The following FUT8 variants were observed in gnomAD, a reference collection of about 807,000 sequenced individuals.
The protein encoded by FUT8 is alpha-(1,6)-fucosyltransferase.
In FUT8, 29 loss-of-function variants were observed where a neutral mutation model predicts 71.3. The observed-to-expected ratio is 0.41, with a 90% CI of 0.30 to 0.55. FUT8 has a LOEUF of 0.55. FUT8 is among the 20% of genes least tolerant of loss of function. FUT8 has a pLI of 0.34. For missense variants in FUT8, 544 were observed against 702.1 expected, an observed-to-expected ratio of 0.77 and a Z score of 2.55; for synonymous variants, 254 against 239.3, an observed-to-expected ratio of 1.06 and a Z score of -0.57.
intron 9 of FUT8, among the ~76,000 whole-genome samples, chr14:65,726,990 A>G (rs564284169): frequency 2.0e-5 from 3 of 152,312 alleles, no homozygotes; most frequent in African/African-American, 7.2e-5. Context: ...AAAGCTTCAA[A>G]ATGATCTCCT....
At chr14:65,735,037 T>G (rs1378469978) in intron 10 of FUT8, among the ~76,000 whole-genome samples, 1 of 152,118 alleles carries the variant, frequency 6.6e-6, no homozygotes, top group African/African-American at 2.4e-5. Flanking sequence ...AGAACTACAG[T>G]TCTAGTCACA....
chr14:65,615,868 A>G lies in FUT8; in HGVS notation c.204-110A>G, dbSNP rs1889254215. On this transcript the variant is annotated intron_variant, in intron 3 of 10. Coordinates refer to ENST00000673929, the MANE Select transcript of FUT8 (RefSeq NM_001371533.1). ...CCATTTGGTACTACTTTTGTGCTAT[A>G]TGGTTCAACAACTTATGGAGTTTAC... is the stretch of plus-strand genomic sequence containing the variant. 6 of 720,016 alleles carry G rather than the reference A, an allele frequency of 8.3e-6. No individual in the cohort carries two copies. The East Asian group carries it at 1.6e-4, about 19-fold the overall frequency. 44.6% of individuals were successfully genotyped at this position (720,016 alleles called of 1,614,324 possible).
At chr14:65,498,277 A>G (rs1446392723) in intron 2 of FUT8, among the ~76,000 whole-genome samples, 1 of 152,170 alleles carries the variant, frequency 6.6e-6, no homozygotes, top group Non-Finnish European at 1.5e-5. Context: ...CAAAGGAACC[A>G]ATAAATTGCC....
intron 2 of FUT8, among the ~76,000 whole-genome samples, chr14:65,517,580 G>A (rs1882796548): frequency 6.6e-6 from 1 of 152,130 alleles, no homozygotes; most frequent in Non-Finnish European, 1.5e-5. Flanking sequence ...TTCAAGCATA[G>A]CATTTAACCT....
intron 3 of FUT8, among the ~76,000 whole-genome samples, chr14:65,589,240 A>T (rs960734800): frequency 1.3e-5 from 2 of 152,174 alleles, no homozygotes; most frequent in African/African-American, 4.8e-5. Context: ...TTTCAGTAGA[A>T]ACTTCTCTTT....
the FUT8 span, among the ~76,000 whole-genome samples, chr14:65,383,602 C>T: frequency 6.6e-6 from 1 of 152,158 alleles, no homozygotes. Flanking sequence ...GAATAAAATA[C>T]AGATTCCATA....
chr14:65,721,746 G>C, intron 7 of FUT8, 29 bp from the exon 8 acceptor site: 1 of 1,611,712 alleles, frequency 6.2e-7, no homozygotes, highest in Non-Finnish European at 8.5e-7. Flanking sequence ...ATACCATGTG[G>C]TAATGATTAT....
At chr14:65,490,465 T>C (rs1442790930) in intron 2 of FUT8, among the ~76,000 whole-genome samples, 1 of 152,112 alleles carries the variant, frequency 6.6e-6, no homozygotes, top group African/African-American at 2.4e-5. Context: ...CTGAGAAGGG[T>C]AATAGTTTTC....
chr14:65,714,537 CCTT>C (rs1894958609), intron 7 of FUT8, among the ~76,000 whole-genome samples: 2 of 151,878 alleles, frequency 1.3e-5, no homozygotes. Context: ...CCCGGTTTGG[CCTT>C]CCAAAGTGTT....
chr14:65,532,860 G>A (rs760262666), intron 2 of FUT8, among the ~76,000 whole-genome samples: 9 of 152,054 alleles, frequency 5.9e-5, no homozygotes, highest in African/African-American at 1.2e-4. Flanking sequence ...ACGGCTAGCC[G>A]GTTATCCCAG....
At chr14:65,661,079 T>C (rs1397791332) in intron 6 of FUT8, among the ~76,000 whole-genome samples, 1 of 152,100 alleles carries the variant, frequency 6.6e-6, no homozygotes, top group Non-Finnish European at 1.5e-5. Flanking sequence ...CTTTTTTTGG[T>C]TTTTACTGAG....
intron 7 of FUT8, among the ~76,000 whole-genome samples, chr14:65,702,637 A>C (rs1185330491): frequency 1.3e-5 from 2 of 152,220 alleles, no homozygotes; most frequent in Non-Finnish European, 2.9e-5. Context: ...AGATGAATAT[A>C]GGAGTATCGT....
intron 7 of FUT8, among the ~76,000 whole-genome samples, chr14:65,712,467 G>A (rs562688445): frequency 1.4e-3 from 214 of 152,228 alleles, no homozygotes; most frequent in Non-Finnish European, 2.4e-3. Flanking sequence ...TTTTTGAGAC[G>A]AAGTTTCGCT....
chr14:65,608,102 A>T, intron 3 of FUT8, among the ~76,000 whole-genome samples: 1 of 151,042 alleles, frequency 6.6e-6, no homozygotes, highest in East Asian at 1.9e-4. Context: ...CTAAAGTTTC[A>T]AAAAATTCAA....
chr14:65,432,915 A>C (rs1247924766), intron 1 of FUT8, among the ~76,000 whole-genome samples: 1 of 152,078 alleles, frequency 6.6e-6, no homozygotes, highest in East Asian at 1.9e-4. Flanking sequence ...CTGCCCATGG[A>C]GTAGCCATTC....
intron 5 of FUT8, among the ~76,000 whole-genome samples, chr14:65,624,250 C>A (rs1171609481): frequency 1.3e-5 from 2 of 151,122 alleles, no homozygotes; most frequent in African/African-American, 4.9e-5. Context: ...TATATTGATA[C>A]CCTAACTGCA....
At position 65,665,941 on chromosome 14, in the gene FUT8, A is replaced by G. The variant is rs1439595610; in HGVS notation, c.598-3302A>G. Reference sequence around the variant, plus strand: ...ACTGGGGCCTATCGGAGGGTGGACAATGGGAGGAGGGAGAGGATCAGGAAA... The same window carrying G: ...ACTGGGGCCTATCGGAGGGTGGACAGTGGGAGGAGGGAGAGGATCAGGAAA... On this transcript the variant is annotated intron_variant, in intron 6 of 10. Coordinates refer to ENST00000673929, the MANE Select transcript of FUT8 (RefSeq NM_001371533.1). Among the ~76,000 whole-genome samples the G allele has an allele frequency of 3.9e-5, 6 of 152,220 alleles. No individual in the cohort carries two copies. The East Asian group carries it at 9.6e-4, about 24-fold the overall frequency.
At chr14:65,562,984 A>G (rs541291747) in intron 3 of FUT8, among the ~76,000 whole-genome samples, 2 of 152,168 alleles carry the variant, frequency 1.3e-5, no homozygotes, top group South Asian at 2.1e-4. Flanking sequence ...GTCTAGTTTC[A>G]TAACTTTTTC....
chr14:65,691,918 G>A (rs1304777905), intron 7 of FUT8, among the ~76,000 whole-genome samples: 1 of 152,314 alleles, frequency 6.6e-6, no homozygotes, highest in Non-Finnish European at 1.5e-5. Context: ...TGGGTTGGGG[G>A]TAAGGTCATA....
Sources: allele counts gnomAD v4.1 joint callset (sites outside exome capture counted in the v4.1 genomes callset), GRCh38; gene constraint gnomAD v4.1.1; transcripts MANE v1.5; gene names NCBI Gene and HGNC (gene_info 2026-07-23, HGNC 2026-07-21).